SLC8A1: variants seen among roughly 807,000 people sequenced by gnomAD.
SLC8A1 encodes solute carrier family 8 member A1, also known as sodium/calcium exchanger 1.
A neutral mutation model predicts 68.3 loss-of-function variants in SLC8A1; 18 were observed. That is an observed-to-expected ratio of 0.26 (90% CI 0.18 to 0.39). The LOEUF (loss-of-function observed/expected upper bound fraction) is 0.39. Ranked by LOEUF, SLC8A1 falls within the 10% of genes least tolerant of loss-of-function variation. The pLI is 1.00. For synonymous variants in SLC8A1, 475 were observed against 415.5 expected (o/e 1.14, Z -1.74); for missense variants, 985 against 1,156.7 (o/e 0.85, Z 2.15).
chr2:40,458,956 G>A (rs1053588974), intron 1 of SLC8A1, among the ~76,000 whole-genome samples: 26 of 152,138 alleles, frequency 1.7e-4, no homozygotes, highest in African/African-American at 5.8e-4. Flanking sequence ...AAGCTGGGTA[G>A]AACAGAGAAA....
chr2:40,234,105 C>A (rs183574919), intron 2 of SLC8A1, among the ~76,000 whole-genome samples: 2 of 152,198 alleles, frequency 1.3e-5, no homozygotes, highest in Non-Finnish European at 2.9e-5. Context: ...TCCATATGAA[C>A]TTTAAAGTAC....
intron 2 of SLC8A1, among the ~76,000 whole-genome samples, chr2:40,328,096 G>C (rs1287453904): frequency 1.3e-5 from 2 of 152,026 alleles, no homozygotes; most frequent in Non-Finnish European, 2.9e-5. Flanking sequence ...AGCAGAAGAG[G>C]GTAAAGAGTT....
At chr2:40,265,696 A>G (rs988796817) in intron 2 of SLC8A1, among the ~76,000 whole-genome samples, 1 of 152,188 alleles carries the variant, frequency 6.6e-6, no homozygotes, top group Non-Finnish European at 1.5e-5. Context: ...AAGAGCAGTA[A>G]TTCATTTCCC....
chr2:40,446,549 T>TC, intron 1 of SLC8A1: 1 of 152,274 alleles, frequency 6.6e-6, no homozygotes, highest in African/African-American at 2.4e-5. Context: ...AATGTTCTCT[T>TC]CTTCCTTTCA....
intron 4 of SLC8A1, 64 bp from the exon 8 acceptor site, chr2:40,165,048 C>T (rs1424694061): frequency 1.3e-6 from 2 of 1,599,944 alleles, no homozygotes; most frequent in Non-Finnish European, 1.7e-6. Flanking sequence ...TCCCTGGATC[C>T]TGCCATAAGA....
chr2:40,117,922 C>G (rs1032810187), intron 7 of SLC8A1, among the ~76,000 whole-genome samples: 11 of 152,160 alleles, frequency 7.2e-5, no homozygotes, highest in African/African-American at 2.7e-4. Flanking sequence ...TACTAAAAGG[C>G]TACTGCATCT....
exon 8 of SLC8A1, chr2:40,102,670 A>G (rs1383337453): frequency 6.6e-6 from 1 of 152,144 alleles, no homozygotes; most frequent in Non-Finnish European, 1.5e-5. Flanking sequence ...TCTTCCTTAA[A>G]CAAGCACCTG....
chr2:40,231,506 TTTTC>T (rs2059642918), intron 2 of SLC8A1, among the ~76,000 whole-genome samples: 1 of 152,134 alleles, frequency 6.6e-6, no homozygotes, highest in Admixed American at 6.6e-5. Context: ...CTTTTTTTTA[TTTTC>T]TTTGAGTCTC....
At chr2:40,386,965 G>T (rs546757869) in intron 2 of SLC8A1, among the ~76,000 whole-genome samples, 16 of 151,376 alleles carry the variant, frequency 1.1e-4, no homozygotes, top group Admixed American at 2.6e-4. Flanking sequence ...CTCTCCAATG[G>T]TGTACACTTG....
At chr2:40,286,466 C>T (rs2068328146) in intron 2 of SLC8A1, among the ~76,000 whole-genome samples, 1 of 152,172 alleles carries the variant, frequency 6.6e-6, no homozygotes, top group South Asian at 2.1e-4. Flanking sequence ...ATTTAAAATG[C>T]AATCCCTGAT....
intron 2 of SLC8A1, among the ~76,000 whole-genome samples, chr2:40,333,785 CACGCCAGTAAT>C (rs1325222466): frequency 6.6e-6 from 1 of 152,142 alleles, no homozygotes; most frequent in East Asian, 1.9e-4. Flanking sequence ...CGCAGTAGCT[CACGCCAGTAAT>C]CCCAGCACTT....
chr2:40,387,290 C>T (rs1040536979), intron 2 of SLC8A1, among the ~76,000 whole-genome samples: 1 of 151,370 alleles, frequency 6.6e-6, no homozygotes, highest in African/African-American at 2.5e-5. Context: ...AGATCACCAC[C>T]TTATTTTAGC....
chr2:40,127,755 C>G (rs2038447532), intron 7 of SLC8A1, among the ~76,000 whole-genome samples: 1 of 152,112 alleles, frequency 6.6e-6, no homozygotes, highest in Non-Finnish European at 1.5e-5. Context: ...TCCAGAGAGG[C>G]AGGATGGGGT....
chr2:40,167,492 T>G (rs1401625112), intron 4 of SLC8A1, among the ~76,000 whole-genome samples: 1 of 152,208 alleles, frequency 6.6e-6, no homozygotes, highest in African/African-American at 2.4e-5. Flanking sequence ...AATAGTATAG[T>G]TGGTATGCAA....
At chr2:40,468,682 C>G (rs1703834874) in intron 1 of SLC8A1, among the ~76,000 whole-genome samples, 1 of 152,018 alleles carries the variant, frequency 6.6e-6, no homozygotes, top group African/African-American at 2.4e-5. Context: ...AATAGTGGAA[C>G]AAACCCCATA....
chr2:40,233,606 T>C lies in SLC8A1; in HGVS notation c.1809-55751A>G, dbSNP rs547491304. ...GCAGAAGCTCTTTATTTTAATTAGTTCCCATTTGTCAATTTTGGCTTTTGT... is the reference window on the plus strand; with the variant it reads ...GCAGAAGCTCTTTATTTTAATTAGTCCCCATTTGTCAATTTTGGCTTTTGT... On this transcript the variant is annotated intron_variant, in intron 2 of 7. Transcript: ENST00000406785. Among the ~76,000 whole-genome samples, 168 of 138,490 alleles carry C rather than the reference T, an allele frequency of 1.2e-3. 2 individuals carry two copies. In the East Asian group the frequency reaches 0.03, roughly 25 times the overall value. 90.9% of individuals were successfully genotyped at this position (138,490 alleles called of 152,430 possible).
intron 2 of SLC8A1, among the ~76,000 whole-genome samples, chr2:40,207,176 A>ACAAT (rs1423611055): frequency 1.3e-5 from 2 of 152,070 alleles, no homozygotes; most frequent in East Asian, 3.9e-4. Context: ...AATGGTATAT[A>ACAAT]CAATCAATGC....
chr2:40,230,132 C>G (rs540151579), intron 2 of SLC8A1, among the ~76,000 whole-genome samples: 2 of 152,120 alleles, frequency 1.3e-5, no homozygotes, highest in Non-Finnish European at 2.9e-5. Flanking sequence ...TTCTTAGGCT[C>G]CACGCTGAAA....
chr2:40,158,373 A>C (rs2044999489), intron 6 of SLC8A1, among the ~76,000 whole-genome samples: 1 of 152,236 alleles, frequency 6.6e-6, no homozygotes, highest in Non-Finnish European at 1.5e-5. Context: ...GGTGCTTTTA[A>C]AACATGGGTT....
Sources: allele counts gnomAD v4.1 joint callset (sites outside exome capture counted in the v4.1 genomes callset), GRCh38; gene constraint gnomAD v4.1.1; transcripts MANE v1.5; gene names NCBI Gene and HGNC (gene_info 2026-07-23, HGNC 2026-07-21).